PSD3: variants seen among roughly 807,000 people sequenced by gnomAD.
PSD3 encodes the protein pleckstrin and Sec7 domain containing 3.
Under a neutral mutation model 105.5 loss-of-function variants are expected in PSD3, and 49 were observed. The ratio of observed to expected loss-of-function variants is 0.46; its 90% CI spans 0.37 to 0.59. PSD3 has a LOEUF of 0.59. Among genes scored for constraint, PSD3 ranks in the 20% least tolerant of loss-of-function variants. The pLI, the probability that PSD3 is intolerant of heterozygous loss-of-function variation, is 0.00. For missense variants in PSD3, 1,561 were observed against 1,263.8 expected, an observed-to-expected ratio of 1.24 and a Z score of -3.57; for synonymous variants, 557 against 457.8, an observed-to-expected ratio of 1.22 and a Z score of -2.77.
At chr8:19,041,499 G>A (rs1828122368) in intron 1 of PSD3, among the ~76,000 whole-genome samples, 1 of 152,218 alleles carries the variant, frequency 6.6e-6, no homozygotes, top group Non-Finnish European at 1.5e-5. Flanking sequence ...ACATCCAAGT[G>A]ACCATGCTTC....
chr8:18,824,071 G>T (rs1812975726), intron 4 of PSD3, among the ~76,000 whole-genome samples: 1 of 152,112 alleles, frequency 6.6e-6, no homozygotes. Context: ...TACTTGGGAG[G>T]CTGAGGCGGG....
At chr8:18,550,924 A>G (rs1055782111) in intron 15 of PSD3, among the ~76,000 whole-genome samples, 1 of 152,188 alleles carries the variant, frequency 6.6e-6, no homozygotes, top group African/African-American at 2.4e-5. Context: ...CGCTAGACTG[A>G]CTTACTAAGA....
chr8:18,851,612 G>C (rs1387176802), intron 4 of PSD3, among the ~76,000 whole-genome samples: 2 of 152,234 alleles, frequency 1.3e-5, no homozygotes, highest in African/African-American at 2.4e-5. Context: ...TCGGCTCTTG[G>C]TGACACAACC....
chr8:18,804,976 T>C (rs1563291633), intron 4 of PSD3, 78 bp from the exon 5 acceptor site: 3 of 1,234,786 alleles, frequency 2.4e-6, no homozygotes, highest in East Asian at 2.3e-5. Flanking sequence ...GAAATATTGA[T>C]AGTTTTCTTT....
At chr8:18,562,159 G>C (rs1394848851) in intron 14 of PSD3, among the ~76,000 whole-genome samples, 5 of 152,178 alleles carry the variant, frequency 3.3e-5, no homozygotes, top group African/African-American at 9.7e-5. Context: ...CAGGCACTGT[G>C]CTGGGTGCTG....
intron 15 of PSD3, among the ~76,000 whole-genome samples, chr8:18,542,057 G>T (rs1178552856): frequency 6.6e-6 from 1 of 151,976 alleles, no homozygotes; most frequent in African/African-American, 2.4e-5. Context: ...TCGGCCCTGA[G>T]AATCTCTTAC....
chr8:18,964,213 T>G (rs1824106383), intron 1 of PSD3, among the ~76,000 whole-genome samples: 1 of 152,064 alleles, frequency 6.6e-6, no homozygotes, highest in South Asian at 2.1e-4. Context: ...CAGCCTGGAG[T>G]TCCCAGACTC....
At position 18,527,318 on chromosome 8, in the gene PSD3, GGATTT is replaced by G. The variant is rs1799465076; in HGVS notation, c.*8420_*8424del. 1 of 152,360 alleles carries G rather than the reference GGATTT, an allele frequency of 6.6e-6. No homozygotes were observed. The highest frequency in any genetic ancestry group is 1.5e-5 in the Non-Finnish European group (1 of 67,966). The allele number at this position is 152,360 out of a possible 1,614,324, so 9.4% of individuals were successfully genotyped here. On this transcript the variant is annotated 3_prime_UTR_variant, in exon 16 of 16. Coordinates refer to ENST00000327040, the MANE Select transcript of PSD3 (RefSeq NM_015310.4). Reference sequence around the variant, plus strand: ...TTCCCTCAAATGATTGAAATTTGTTGGATTTATTTCTTTCTAAAGTTTGTACATTT... The same window carrying G: ...TTCCCTCAAATGATTGAAATTTGTTGATTTCTTTCTAAAGTTTGTACATTT...
intron 1 of PSD3, among the ~76,000 whole-genome samples, chr8:19,009,854 G>C (rs1391472409): frequency 6.6e-6 from 1 of 152,138 alleles, no homozygotes; most frequent in African/African-American, 2.4e-5. Flanking sequence ...TCGCACCATT[G>C]CACTCCAGCC....
At chr8:18,569,020 T>C (rs1801973541) in intron 14 of PSD3, among the ~76,000 whole-genome samples, 1 of 141,512 alleles carries the variant, frequency 7.1e-6, no homozygotes, top group Non-Finnish European at 1.5e-5. Flanking sequence ...TCCATGTCCC[T>C]ACAAAGGACA....
chr8:18,583,196 TGGGA>T (rs1020029672), intron 12 of PSD3, among the ~76,000 whole-genome samples: 5 of 152,124 alleles, frequency 3.3e-5, no homozygotes, highest in African/African-American at 1.2e-4. Flanking sequence ...CCCTGCACTT[TGGGA>T]GGTCAAGGCA....
intron 8 of PSD3, among the ~76,000 whole-genome samples, chr8:18,796,196 TG>T (rs959008460): frequency 6.6e-6 from 1 of 152,154 alleles, no homozygotes; most frequent in African/African-American, 2.4e-5. Flanking sequence ...TACTTCAGAT[TG>T]TTTTTTATCT....
chr8:18,679,012 TAACAA>T (rs374739040), intron 9 of PSD3, among the ~76,000 whole-genome samples: 121,091 of 151,028 alleles, frequency 0.8, 52,304 homozygotes, highest in Non-Finnish European at 0.97. Context: ...AACTTAGGAA[TAACAA>T]AAATATGTAA....
intron 1 of PSD3, among the ~76,000 whole-genome samples, chr8:18,988,886 G>A (rs1408390284): frequency 2.6e-5 from 4 of 152,166 alleles, no homozygotes; most frequent in Non-Finnish European, 4.4e-5. Flanking sequence ...GCGTGTGTTT[G>A]TCCGGGAATG....
At chr8:18,557,963 G>A (rs1440112603) in intron 14 of PSD3, among the ~76,000 whole-genome samples, 1 of 152,214 alleles carries the variant, frequency 6.6e-6, no homozygotes, top group Non-Finnish European at 1.5e-5. Flanking sequence ...GAGGTCATAA[G>A]AGTGGGGCAT....
intron 1 of PSD3, among the ~76,000 whole-genome samples, chr8:19,003,857 T>C (rs1826528822): frequency 6.6e-6 from 1 of 152,052 alleles, no homozygotes; most frequent in East Asian, 1.9e-4. Flanking sequence ...CGAGGGATGT[T>C]TGTCAACTGG....
chr8:18,740,799 A>C (rs558603100), intron 9 of PSD3, among the ~76,000 whole-genome samples: 1 of 152,230 alleles, frequency 6.6e-6, no homozygotes, highest in South Asian at 2.1e-4. Context: ...TTTGTCTCCT[A>C]GTCCTCCTAA....
intron 1 of PSD3, among the ~76,000 whole-genome samples, chr8:19,080,773 T>C (rs2129478337): frequency 6.6e-6 from 1 of 152,284 alleles, no homozygotes; most frequent in East Asian, 1.9e-4. Context: ...GTCAATCTTT[T>C]CGCAAATTTA....
intron 9 of PSD3, among the ~76,000 whole-genome samples, chr8:18,676,899 C>G (rs186328056): frequency 1.7e-3 from 258 of 152,328 alleles, no homozygotes; most frequent in Admixed American, 3.7e-3. Context: ...GAAATCTGCT[C>G]GGCTCCATGT....
Sources: gnomAD v4.1 joint callset for allele counts (sites outside exome capture counted in the v4.1 genomes callset) on GRCh38, gnomAD v4.1.1 for gene constraint, MANE v1.5 for transcripts, NCBI Gene and HGNC (gene_info 2026-07-23, HGNC 2026-07-21) for gene names.